RMC1: variants seen among roughly 807,000 people sequenced by gnomAD.
RMC1 encodes regulator of MON1-CCZ1.
RMC1 carries 44 observed loss-of-function variants against 95.5 expected under a neutral mutation model. That is an observed-to-expected ratio of 0.46 (90% CI 0.36 to 0.59). RMC1 has a LOEUF of 0.59. RMC1 is among the 20% of genes least tolerant of loss of function. RMC1 has a pLI of 0.00. For missense variants in RMC1, 705 were observed against 819.6 expected (o/e 0.86, Z 1.71); for synonymous variants, 320 against 303.6 (o/e 1.05, Z -0.56).
chr18:23,527,700 C>T (rs940462988), intron 13 of RMC1, 95 bp from the exon 14 acceptor site: 4 of 884,242 alleles, frequency 4.5e-6, no homozygotes, highest in Non-Finnish European at 7.1e-6. Context: ...GCATTGGTAA[C>T]CTTTTGAGAT....
intron 11 of RMC1, 98 bp downstream of exon 11, chr18:23,524,272 C>T (rs949206251): frequency 3.3e-6 from 5 of 1,516,396 alleles, no homozygotes; most frequent in Non-Finnish European, 4.6e-6. Flanking sequence ...GTGAATAACA[C>T]TCCGAGAGCC....
In RMC1 at chr18:23,507,602, A is replaced by AGG. The variant is rs778813953; in HGVS notation, c.265-381_265-380dup. Reference sequence around the variant, plus strand: ...TTCACCATTGCCGTTTGTAGAGTAGAGGGAAGGCTGTTAGAAACAGGCAGA... The same window carrying AGG: ...TTCACCATTGCCGTTTGTAGAGTAGAGGGGGAAGGCTGTTAGAAACAGGCAGA... On this transcript the variant is annotated intron_variant, in intron 3 of 19. Transcript: ENST00000269221. Among the ~76,000 whole-genome samples, 210 of 152,292 alleles carry AGG rather than the reference A, an allele frequency of 1.4e-3. 2 individuals carry two copies. The highest frequency in any genetic ancestry group is 2.0e-3 in the Non-Finnish European group (135 of 68,030).
intron 12 of RMC1, 88 bp downstream of exon 12, chr18:23,524,570 A>ATT: frequency 1.3e-5 from 18 of 1,386,302 alleles, no homozygotes; most frequent in Non-Finnish European, 1.8e-5. Flanking sequence ...TTCAAGGTGA[A>ATT]TCTCTTAGAA....
chr18:23,505,506 C>A (rs1042596794), intron 2 of RMC1, among the ~76,000 whole-genome samples: 3 of 152,176 alleles, frequency 2.0e-5, no homozygotes, highest in African/African-American at 7.2e-5. Flanking sequence ...CAGCTTGAAC[C>A]TTACATATTC....
In RMC1 at chr18:23,519,150, A is replaced by G. The variant is rs1157427679; in HGVS notation, c.825A>G (p.Val275=). The G allele has an allele frequency of 6.2e-7, 1 of 1,614,164 alleles. No individual in the cohort carries two copies. Among genetic ancestry groups the G allele is most frequent in the Non-Finnish European group, 8.5e-7 (1 of 1,179,994 alleles). The change falls in exon 9 of 20, where the codon GTA becomes GTG. Residue 275 remains valine, a synonymous_variant. Coordinates refer to ENST00000269221, the MANE Select transcript of RMC1 (RefSeq NM_013326.5). ...KFALNVVDNL[V]VVHHQDTETS... is the part of the protein sequence containing the mutation. Reference sequence around the variant, plus strand: ...CCCTGAACGTGGTGGACAACCTGGTAGTCGTGCATCATCAGGATACAGAGG... The same window carrying G: ...CCCTGAACGTGGTGGACAACCTGGTGGTCGTGCATCATCAGGATACAGAGG...
intron 10 of RMC1, 103 bp from the exon 11 acceptor site, chr18:23,524,027 A>G: frequency 3.9e-6 from 5 of 1,270,254 alleles, no homozygotes; most frequent in Non-Finnish European, 5.7e-6. Flanking sequence ...TTGAATAAAC[A>G]TTTCGTAATG....
chr18:23,523,537 T>TC (rs1429762084), intron 10 of RMC1, among the ~76,000 whole-genome samples: 1 of 117,012 alleles, frequency 8.5e-6, no homozygotes, highest in African/African-American at 3.4e-5. Flanking sequence ...ATAGACCTTG[T>TC]CTTCACAAAA....
At chr18:23,518,475 C>G (rs1013566383) in intron 7 of RMC1, among the ~76,000 whole-genome samples, 4 of 151,006 alleles carry the variant, frequency 2.6e-5, no homozygotes, top group African/African-American at 7.3e-5. Flanking sequence ...GCCTGGGTGA[C>G]AGAGGGAGAC....
rs952662774 is a variant in RMC1, at chr18:23,509,177, A to T, written c.322-16A>T. On this transcript the variant is annotated splice_polypyrimidine_tract_variant and intron_variant, in intron 4 of 19. Coordinates refer to ENST00000269221, the MANE Select transcript of RMC1 (RefSeq NM_013326.5). ...TTTCTTATTAATTAAAAATATTTTT[A>T]AAAAATTTTTCTTAGACTAAGAATG... 9.9e-6 allele frequency: 12 copies of T among 1,211,416 alleles called. No individual in the cohort carries two copies. Among genetic ancestry groups the T allele is most frequent in the East Asian group, 5.9e-5 (2 of 33,906 alleles). 75.0% of individuals were successfully genotyped at this position (1,211,416 alleles called of 1,614,324 possible).
Position 23,515,848 on chromosome 18 carries a change from T to A in RMC1, c.409-8T>A, listed in dbSNP as rs1237744654. On this transcript the variant is annotated splice_polypyrimidine_tract_variant and splice_region_variant and intron_variant, in intron 5 of 19. Coordinates refer to ENST00000269221, the MANE Select transcript of RMC1 (RefSeq NM_013326.5). The stretch of plus-strand genomic sequence containing the variant: ...AATGAAGATCCTGTTTCTTAAACTC[T>A]GCTTCAGGTATTACCAGAGAAACGG... The A allele has an allele frequency of 6.2e-7, 1 of 1,614,108 alleles. No homozygotes were observed. Among genetic ancestry groups the A allele is most frequent in the Non-Finnish European group, 8.5e-7 (1 of 1,179,978 alleles).
intron 10 of RMC1, chr18:23,522,557 C>G (rs1349202760): frequency 6.6e-6 from 1 of 152,352 alleles, no homozygotes; most frequent in Non-Finnish European, 1.5e-5. Flanking sequence ...TCTTCTTCTT[C>G]CTCTTAAGGC....
intron 14 of RMC1, chr18:23,528,975 G>C: frequency 1.4e-6 from 1 of 718,028 alleles, no homozygotes; most frequent in Non-Finnish European, 2.1e-6. Context: ...TGCCTCCTGG[G>C]TTCAAGGGAT....
In RMC1 at chr18:23,516,362, C is replaced by T; in HGVS notation, c.592C>T (p.Pro198Ser). ...SKLPKFEIEL[P>S]AAPKSTKPSL... ...GCTGCCCAAATTTGAGATTGAATTACCAGCTGCGCCTAAGTCAACTAAACC... is the reference window on the plus strand; with the variant it reads ...GCTGCCCAAATTTGAGATTGAATTATCAGCTGCGCCTAAGTCAACTAAACC... The change falls in exon 7 of 20, where the codon CCA becomes TCA. Residue 198 changes from proline (P) to serine (S), a missense_variant. Transcript: ENST00000269221. 3.1e-6 allele frequency: 5 copies of T among 1,614,244 alleles called. No homozygotes were observed. Among genetic ancestry groups the T allele is most frequent in the South Asian group, 1.1e-5 (1 of 91,084 alleles).
chr18:23,508,701 C>T (rs1011610649), intron 4 of RMC1: 1 of 152,476 alleles, frequency 6.6e-6, no homozygotes, highest in African/African-American at 2.4e-5. Context: ...ACTGTCCTGC[C>T]TGCCCTGCAG....
At position 23,529,709 on chromosome 18, in the gene RMC1, A is replaced by G. The variant is rs2145296953; in HGVS notation, c.1491A>G (p.Val497=). The G allele has an allele frequency of 1.2e-6, 2 of 1,612,274 alleles. No individual in the cohort carries two copies. Among genetic ancestry groups the G allele is most frequent in the South Asian group, 1.1e-5 (1 of 90,972 alleles). Residue 497 remains valine, a synonymous_variant, in exon 16 of 20, where the codon GTA becomes GTG. Coordinates refer to ENST00000269221, the MANE Select transcript of RMC1 (RefSeq NM_013326.5). The part of the protein sequence containing the change: ...IRSLNQFQIA[V]QHYLHELVIK... The stretch of plus-strand genomic sequence containing the variant: ...CTCTTAACCAGTTTCAGATTGCAGT[A>G]CAGGTACCTTCAAATCATCTGGGCC...
At chr18:23,522,358 A>G (rs778821351) in intron 10 of RMC1, 5 of 152,224 alleles carry the variant, frequency 3.3e-5, no homozygotes, top group Admixed American at 3.3e-4. Context: ...GGGGAAAAAA[A>G]CTAAACATTT....
chr18:23,504,684 G>A (rs1049558538), intron 2 of RMC1: 3 of 413,492 alleles, frequency 7.3e-6, no homozygotes, highest in East Asian at 4.1e-5. Flanking sequence ...AAGTGGGGCA[G>A]CCACTTCCTA....
intron 3 of RMC1, among the ~76,000 whole-genome samples, chr18:23,507,456 T>C (rs913330730): frequency 2.0e-5 from 3 of 152,184 alleles, no homozygotes; most frequent in Admixed American, 2.0e-4. Context: ...ATAGAATATG[T>C]GAGGTATTTT....
At position 23,530,279 on chromosome 18, in the gene RMC1, A is replaced by T. The variant is rs370483111; in HGVS notation, c.1650A>T (p.Leu550=). 1.1e-4 allele frequency: 174 copies of T among 1,614,094 alleles called. No homozygotes were observed. Among genetic ancestry groups the T allele is most frequent in the Non-Finnish European group, 1.4e-4 (163 of 1,180,032 alleles). Residue 550 remains leucine (L), a synonymous_variant, in exon 18 of 20, where the codon CTA becomes CTT. Transcript: ENST00000269221. The part of the protein sequence containing the change: ...LESFYPPAHQ[L]SLDMLKRLST... Reference sequence around the variant, plus strand: ...GTTTCTATCCTCCTGCTCATCAGCTATCTCTGGACATGCTGAAGGTAACTC... The same window carrying T: ...GTTTCTATCCTCCTGCTCATCAGCTTTCTCTGGACATGCTGAAGGTAACTC...
Sources: allele counts gnomAD v4.1 joint callset (sites outside exome capture counted in the v4.1 genomes callset), GRCh38; gene constraint gnomAD v4.1.1; transcripts MANE v1.5; gene names NCBI Gene and HGNC (gene_info 2026-07-23, HGNC 2026-07-21).